NRXN3: variants seen among roughly 807,000 people sequenced by gnomAD.
NRXN3 encodes neurexin III.
A neutral mutation model predicts 137.6 loss-of-function variants in NRXN3; 32 were observed. That is an observed-to-expected ratio of 0.23 (90% confidence interval 0.18 to 0.31). NRXN3 has a LOEUF of 0.31. Ranked by LOEUF, NRXN3 falls within the 10% of genes least tolerant of loss-of-function variation. The pLI is 1.00. For synonymous variants in NRXN3, 798 were observed against 784.5 expected, an observed-to-expected ratio of 1.02 and a Z score of -0.29; for missense variants, 1,574 against 2,062.5, an observed-to-expected ratio of 0.76 and a Z score of 4.59.
chr14:79,718,767 T>A (rs1329762620), intron 19 of NRXN3, among the ~76,000 whole-genome samples: 3 of 152,204 alleles, frequency 2.0e-5, no homozygotes, highest in Non-Finnish European at 4.4e-5. Context: ...AATTTTTTTT[T>A]ATTTTTTGGC....
At chr14:78,234,916 T>G (rs1235651219) in intron 1 of NRXN3, among the ~76,000 whole-genome samples, 1 of 150,954 alleles carries the variant, frequency 6.6e-6, no homozygotes, top group East Asian at 1.9e-4. Flanking sequence ...CAGATGATGA[T>G]CTCTTTCTTC....
chr14:78,382,323 T>G (rs2089270606), intron 4 of NRXN3, among the ~76,000 whole-genome samples: 1 of 152,160 alleles, frequency 6.6e-6, no homozygotes, highest in Non-Finnish European at 1.5e-5. Context: ...ATTTGTGGGC[T>G]GATGGATAGA....
intron 15 of NRXN3, among the ~76,000 whole-genome samples, chr14:79,207,513 C>T (rs1206362972): frequency 4.6e-5 from 7 of 152,134 alleles, no homozygotes; most frequent in Non-Finnish European, 8.8e-5. Flanking sequence ...AGGGAATTTG[C>T]AGCAGAGTTC....
At chr14:78,656,972 G>A (rs548779650) in intron 6 of NRXN3, among the ~76,000 whole-genome samples, 15 of 150,090 alleles carry the variant, frequency 1.0e-4, no homozygotes, top group Admixed American at 5.3e-4. Flanking sequence ...GTGTGAACCC[G>A]GGAGGGGCAG....
At chr14:79,006,721 T>C (rs538306101) in intron 15 of NRXN3, among the ~76,000 whole-genome samples, 2 of 152,298 alleles carry the variant, frequency 1.3e-5, no homozygotes, top group South Asian at 4.1e-4. Context: ...CTTAATAATA[T>C]AATATCATAT....
chr14:79,117,061 TTC>T (rs879561422), intron 15 of NRXN3, among the ~76,000 whole-genome samples: 6 of 152,190 alleles, frequency 3.9e-5, no homozygotes, highest in Admixed American at 6.5e-5. Flanking sequence ...TAAAAAAATA[TTC>T]TGTTTGTTCT....
chr14:78,596,998 G>A (rs936519244), intron 4 of NRXN3, among the ~76,000 whole-genome samples: 1 of 152,202 alleles, frequency 6.6e-6, no homozygotes, highest in African/African-American at 2.4e-5. Context: ...TGCAAAGAGG[G>A]CTGGGAGAGT....
intron 3 of NRXN3, among the ~76,000 whole-genome samples, chr14:78,285,147 A>T (rs1417560325): frequency 6.6e-6 from 1 of 152,192 alleles, no homozygotes; most frequent in Non-Finnish European, 1.5e-5. Flanking sequence ...CTGAGGCTGT[A>T]TGCTTAGACC....
At chr14:79,492,468 T>C (rs1399253381) in intron 16 of NRXN3, among the ~76,000 whole-genome samples, 11 of 152,056 alleles carry the variant, frequency 7.2e-5, no homozygotes, top group Admixed American at 7.2e-4. Flanking sequence ...CCACAACCCC[T>C]GTCACCCAGG....
chr14:79,741,868 T>G (rs962375175), intron 19 of NRXN3, among the ~76,000 whole-genome samples: 1 of 152,108 alleles, frequency 6.6e-6, no homozygotes, highest in East Asian at 1.9e-4. Flanking sequence ...TAGGTAAGTG[T>G]GCTTATATGT....
intron 6 of NRXN3, among the ~76,000 whole-genome samples, chr14:78,693,786 G>C (rs759282436): frequency 5.4e-5 from 8 of 149,160 alleles, no homozygotes; most frequent in African/African-American, 2.0e-4. Context: ...ACCTGACCTC[G>C]TCACTCTTCT....
chr14:79,471,772 T>G (rs1249366246), intron 16 of NRXN3, among the ~76,000 whole-genome samples: 2 of 152,120 alleles, frequency 1.3e-5, no homozygotes, highest in East Asian at 3.9e-4. Flanking sequence ...CTAGATTGAG[T>G]AACTGGGGCA....
chr14:79,441,990 C>A (rs545330730), intron 15 of NRXN3, among the ~76,000 whole-genome samples: 1 of 151,976 alleles, frequency 6.6e-6, no homozygotes, highest in South Asian at 2.1e-4. Flanking sequence ...CTCATTTCTT[C>A]TCCTCATTCT....
chr14:79,121,434 C>T (rs927876629), intron 15 of NRXN3, among the ~76,000 whole-genome samples: 3 of 152,294 alleles, frequency 2.0e-5, no homozygotes, highest in South Asian at 2.1e-4. Context: ...ACATGAATAC[C>T]TTGCAGCCTC....
chr14:79,046,058 A>G (rs1164428907), intron 15 of NRXN3, among the ~76,000 whole-genome samples: 1 of 152,244 alleles, frequency 6.6e-6, no homozygotes, highest in Non-Finnish European at 1.5e-5. Flanking sequence ...AAATATGTAT[A>G]TCTAATGGGT....
chr14:78,570,579 T>C (rs2096879911), intron 4 of NRXN3, among the ~76,000 whole-genome samples: 1 of 152,166 alleles, frequency 6.6e-6, no homozygotes, highest in Non-Finnish European at 1.5e-5. Context: ...CAATTCTGGG[T>C]GGCCAAGCAG....
chr14:78,236,578 C>T (rs986867772), intron 1 of NRXN3, among the ~76,000 whole-genome samples: 7 of 152,106 alleles, frequency 4.6e-5, no homozygotes, highest in African/African-American at 7.2e-5. Flanking sequence ...CATTTCTGTT[C>T]GTGTATACCT....
intron 15 of NRXN3, among the ~76,000 whole-genome samples, chr14:79,325,841 T>A (rs545812577): frequency 6.6e-6 from 1 of 152,346 alleles, no homozygotes; most frequent in South Asian, 2.1e-4. Context: ...AATGCCATCT[T>A]GTCTGTTAGA....
chr14:78,557,588 G>T (rs2096750928), intron 4 of NRXN3, among the ~76,000 whole-genome samples: 1 of 152,224 alleles, frequency 6.6e-6, no homozygotes, highest in South Asian at 2.1e-4. Context: ...AAAGCCAGGT[G>T]CCTAGTGGCC....
Sources: allele counts gnomAD v4.1 joint callset (sites outside exome capture counted in the v4.1 genomes callset), GRCh38; gene constraint gnomAD v4.1.1; transcripts MANE v1.5; gene names NCBI Gene and HGNC (gene_info 2026-07-23, HGNC 2026-07-21).